The following EGR4 variants were observed in gnomAD, a reference collection of about 807,000 sequenced individuals.
EGR4 encodes early growth response protein 4.
EGR4 carries 22 observed loss-of-function variants against 25.4 expected under a neutral mutation model. That is an observed-to-expected ratio of 0.87 (90% confidence interval 0.62 to 1.24). EGR4 has a LOEUF of 1.24. EGR4 is among the 50% of genes most tolerant of loss of function. The probability of loss-of-function intolerance (pLI) is 0.00; values close to 1 mark genes in which losing one functional copy is unlikely to be tolerated. For synonymous variants in EGR4, 375 were observed against 320.1 expected (o/e 1.17, Z -1.83); for missense variants, 742 against 702.9 (o/e 1.06, Z -0.63).
At position 73,292,746 on chromosome 2, in the gene EGR4, C is replaced by G; in HGVS notation, c.172G>C (p.Gly58Arg). ...DFLSWALNSCGASGDLADSCF... is the reference protein window; with the variant it reads ...DFLSWALNSCRASGDLADSCF... ...GAGTCGGCTAAGTCCCCACTTGCGC[C>G]GCAGCTGTTCAAAGCCCAGCTCAAG... The change falls in exon 2 of 2, where the codon GGC becomes CGC. Residue 58 changes from glycine (G) to arginine (R), a missense_variant. Physicochemically the swap from Gly to Arg is moderately radical, Grantham distance 125. Transcript: ENST00000436467. 6.8e-7 allele frequency: 1 copy of G among 1,469,000 alleles called. No individual in the cohort carries two copies. The highest frequency in any genetic ancestry group is 9.0e-7 in the Non-Finnish European group (1 of 1,108,118). 91.0% of individuals were successfully genotyped at this position (1,469,000 alleles called of 1,614,324 possible).
At position 73,291,508 on chromosome 2, in the gene EGR4, C is replaced by T; in HGVS notation, c.1410G>A (p.Arg470=). ...GCGAGTAAAAGCCGAGGCCCTTGAGCCGCTCCTCGGCGCGCGCCTTCTGCT... is the reference window on the plus strand; with the variant it reads ...GCGAGTAAAAGCCGAGGCCCTTGAGTCGCTCCTCGGCGCGCGCCTTCTGCT... The part of the protein sequence containing the change: ...HLKQKARAEE[R]LKGLGFYSLG... Residue 470 remains arginine, a synonymous_variant, in exon 2 of 2, where the codon CGG becomes CGA. Coordinates refer to ENST00000436467, the MANE Select transcript of EGR4 (RefSeq NM_001965.4). The T allele has an allele frequency of 6.2e-7, 1 of 1,612,408 alleles. No individual in the cohort carries two copies.
Position 73,291,301 on chromosome 2 carries a change from G to A in EGR4, c.*156C>T, listed in dbSNP as rs1689089515. 1 of 1,028,874 alleles carries A rather than the reference G, an allele frequency of 9.7e-7. No homozygotes were observed. The highest frequency in any genetic ancestry group is 2.8e-5 in the Admixed American group (1 of 35,282). The allele number at this position is 1,028,874 out of a possible 1,614,324, so 63.7% of individuals were successfully genotyped here. A position where few individuals can be genotyped will look rare whatever the true frequency, so the allele number is the denominator to read the frequency against. ...TGTCCGCGGAGCTGGTGCTGAATAG[G>A]GCGTGTGCGGCGGGCGCTTCAAGGA... On this transcript the variant is annotated 3_prime_UTR_variant, in exon 2 of 2. Transcript: ENST00000436467.
Position 73,291,813 on chromosome 2 carries a change from G to C in EGR4, c.1105C>G (p.Arg369Gly). The change falls in exon 2 of 2, where the codon CGC (arginine) becomes GGC (glycine). Residue 369 changes from arginine to glycine, a missense_variant. Coordinates refer to ENST00000436467, the MANE Select transcript of EGR4 (RefSeq NM_001965.4). Reference sequence around the variant, plus strand: ...GCGTGCGGCCGCGGGCAGAAGCAGCGCGTGCTGCATTTGCCGCCGCGGCGC... The same window carrying C: ...GCGTGCGGCCGCGGGCAGAAGCAGCCCGTGCTGCATTTGCCGCCGCGGCGC... ...KGRRGGKCST[R>G]CFCPRPHAKA... is the part of the protein sequence containing the mutation. 12 of 1,593,078 alleles carry C rather than the reference G, an allele frequency of 7.5e-6. No homozygotes were observed. The highest frequency in any genetic ancestry group is 1.0e-5 in the Non-Finnish European group (12 of 1,174,698).
At position 73,291,122 on chromosome 2, in the gene EGR4, C is replaced by CAT; in HGVS notation, c.*334_*335insAT. 3.0e-6 allele frequency: 1 copy of CAT among 330,322 alleles called. No homozygotes were observed. Among genetic ancestry groups the CAT allele is most frequent in the Non-Finnish European group, 5.5e-6 (1 of 181,268 alleles). The allele number at this position is 330,322 out of a possible 1,614,324, so 20.5% of individuals were successfully genotyped here. ...CGAGACCGCCTTGGCGCTGCCCCAG[C>CAT]CTGTCTCTGGGGGTTATAGAGGAAG... On this transcript the variant is annotated 3_prime_UTR_variant, in exon 2 of 2. Coordinates refer to ENST00000436467, the MANE Select transcript of EGR4 (RefSeq NM_001965.4).
Position 73,292,281 on chromosome 2 carries a change from C to T in EGR4, c.637G>A (p.Val213Met). The change falls in exon 2 of 2, where the codon GTG (valine) becomes ATG (methionine). Residue 213 changes from valine to methionine, a missense_variant. Physicochemically the swap from Val to Met is conservative, Grantham distance 21 (BLOSUM62 1). Transcript: ENST00000436467. Reference protein sequence around the residue: ...GPYAPWELLSVGAPGNCGSQG... With the variant: ...GPYAPWELLSMGAPGNCGSQG... ...GACCCACAGTTCCCTGGGGCCCCCACAGAAAGCAGCTCCCAGGGCGCGTAG... is the reference window on the plus strand; with the variant it reads ...GACCCACAGTTCCCTGGGGCCCCCATAGAAAGCAGCTCCCAGGGCGCGTAG... 6.2e-7 allele frequency: 1 copy of T among 1,609,778 alleles called. No individual in the cohort carries two copies. The highest frequency in any genetic ancestry group is 1.1e-5 in the South Asian group (1 of 90,742).
rs985927800 is a variant in EGR4 at position 73,292,307 on chromosome 2, G to C, written c.611C>G (p.Pro204Arg). ...AGAAAGCAGCTCCCAGGGCGCGTAG[G>C]GACCCTTGAAGGCAGAGACAGCGTC... ...ALDAVSAFKG[P>R]YAPWELLSVG... is the part of the protein sequence containing the mutation. The change falls in exon 2 of 2, where the codon CCC (proline) becomes CGC (arginine). Residue 204 changes from proline to arginine, a missense_variant. Coordinates refer to ENST00000436467, the MANE Select transcript of EGR4 (RefSeq NM_001965.4). 22 of 1,606,066 alleles carry C rather than the reference G, an allele frequency of 1.4e-5. No homozygotes were observed. The highest frequency in any genetic ancestry group is 1.9e-5 in the Non-Finnish European group (22 of 1,175,550).
Position 73,292,307 on chromosome 2 carries a change from GGACCCTTGAAGGCAGA to G in EGR4, c.595_610del (p.Ser199ProfsTer32). 1 of 1,606,184 alleles carries G rather than the reference GGACCCTTGAAGGCAGA, an allele frequency of 6.2e-7. No individual in the cohort carries two copies. The highest frequency in any genetic ancestry group is 8.5e-7 in the Non-Finnish European group (1 of 1,175,542). ...AGAAAGCAGCTCCCAGGGCGCGTAG[GGACCCTTGAAGGCAGA>G]GACAGCGTCCAGCGCTGGCGAGGCG... On this transcript the variant is annotated frameshift_variant, in exon 2 of 2. Coordinates refer to ENST00000436467, the MANE Select transcript of EGR4 (RefSeq NM_001965.4). LOFTEE classifies it high-confidence loss of function.
Position 73,292,426 on chromosome 2 carries a change from G to A in EGR4, c.492C>T (p.Cys164=), listed in dbSNP as rs372554686. ...FPEAFWEASP[C]AGAPSQCLYE... The stretch of plus-strand genomic sequence containing the variant: ...ACAGGCACTGCGAGGGGGCACCCGC[G>A]CAAGGCGAGGCCTCCCAGAACGCCT... The change falls in exon 2 of 2, where the codon TGC becomes TGT. Residue 164 remains cysteine, a synonymous_variant. Coordinates refer to ENST00000436467, the MANE Select transcript of EGR4 (RefSeq NM_001965.4). The A allele has an allele frequency of 2.7e-6, 4 of 1,495,952 alleles. No homozygotes were observed. The highest frequency in any genetic ancestry group is 2.5e-5 in the Admixed American group (1 of 39,878). The allele number at this position is 1,495,952 out of a possible 1,614,324, so 92.7% of individuals were successfully genotyped here.
Position 73,291,897 on chromosome 2 carries a change from G to A in EGR4, c.1021C>T (p.Pro341Ser). ...DIPGSSGVAAPPVPPPPPTPF... is the reference protein window; with the variant it reads ...DIPGSSGVAASPVPPPPPTPF... ...GTGGGCGGCGGCGGCGGCACGGGTG[G>A]TGCAGCCACGCCACTGCTTCCAGGG... Residue 341 changes from proline to serine, a missense_variant, in exon 2 of 2, where the codon CCA becomes TCA. Transcript: ENST00000436467. 1 of 1,573,516 alleles carries A rather than the reference G, an allele frequency of 6.4e-7. No individual in the cohort carries two copies. Among genetic ancestry groups the A allele is most frequent in the Non-Finnish European group, 8.6e-7 (1 of 1,161,932 alleles).
intron 1 of EGR4, 82 bp from the exon 2 acceptor site, chr2:73,292,863 G>A (rs1427140588): frequency 1.5e-6 from 2 of 1,318,172 alleles, no homozygotes; most frequent in South Asian, 2.7e-5. Context: ...AACTCTTGGT[G>A]CCCACGGATA....
At position 73,291,450 on chromosome 2, in the gene EGR4, C is replaced by T; in HGVS notation, c.*7G>A. The T allele has an allele frequency of 1.3e-6, 2 of 1,590,306 alleles. No homozygotes were observed. The highest frequency in any genetic ancestry group is 1.7e-6 in the Non-Finnish European group (2 of 1,167,884). The stretch of plus-strand genomic sequence containing the variant: ...GCGGCGCCCCAACCCATAAACCCAT[C>T]TCTTGCTCAGAGAGAAGCGAAGGAG... On this transcript the variant is annotated 3_prime_UTR_variant, in exon 2 of 2. Transcript: ENST00000436467.
In EGR4 at chr2:73,292,098, C is replaced by T. The variant is rs917870142; in HGVS notation, c.820G>A (p.Gly274Ser). Residue 274 changes from glycine to serine, a missense_variant, in exon 2 of 2, where the codon GGT becomes AGT. By Grantham distance (56) the Gly-to-Ser change is moderately conservative (BLOSUM62 0). Transcript: ENST00000436467. ...GAYDAFPLAP[G>S]DLGEGAEGLP... is the part of the protein sequence containing the mutation. ...CCCTCAGCCCCCTCCCCTAAGTCACCCGGGGCCAGCGGGAAAGCGTCATAG... is the reference window on the plus strand; with the variant it reads ...CCCTCAGCCCCCTCCCCTAAGTCACTCGGGGCCAGCGGGAAAGCGTCATAG... 2 of 1,607,800 alleles carry T rather than the reference C, an allele frequency of 1.2e-6. No individual in the cohort carries two copies. Among genetic ancestry groups the T allele is most frequent in the Non-Finnish European group, 1.7e-6 (2 of 1,177,410 alleles).
rs143307726 is a variant in EGR4 at position 73,291,480 on chromosome 2, C to G, written c.1438G>C (p.Gly480Arg). ...RLKGLGFYSLGLSFASL is the reference protein window; with the variant it reads ...RLKGLGFYSLRLSFASL Reference sequence around the variant, plus strand: ...GCTCAGAGAGAAGCGAAGGAGAGGCCCAGCGAGTAAAAGCCGAGGCCCTTG... The same window carrying G: ...GCTCAGAGAGAAGCGAAGGAGAGGCGCAGCGAGTAAAAGCCGAGGCCCTTG... Residue 480 changes from glycine to arginine, a missense_variant, in exon 2 of 2, where the codon GGC (glycine) becomes CGC (arginine). By Grantham distance (125) the Gly-to-Arg change is moderately radical (BLOSUM62 -2). Transcript: ENST00000436467. The G allele has an allele frequency of 6.2e-7, 1 of 1,608,086 alleles. No homozygotes were observed. The highest frequency in any genetic ancestry group is 2.2e-5 in the East Asian group (1 of 44,710).
rs1216882281 is a variant in EGR4, at chr2:73,293,223, A to T, written c.95T>A (p.Leu32Gln). ...CAEPSAELPR[L>Q]PARDAPAATG... ...GGCCGCGGGAGCGTCCCTGGCAGGC[A>T]GCCGGGGCAATTCAGCGCTGGGTTC... The change falls in exon 1 of 2, where the codon CTG (leucine) becomes CAG (glutamine). Residue 32 changes from leucine (L) to glutamine (Q), a missense_variant. Physicochemically the swap from Leu to Gln is moderately radical, Grantham distance 113 (BLOSUM62 -2). Transcript: ENST00000436467. 6.4e-7 allele frequency: 1 copy of T among 1,567,068 alleles called. No individual in the cohort carries two copies. Among genetic ancestry groups the T allele is most frequent in the Admixed American group, 1.9e-5 (1 of 52,642 alleles).
In EGR4 at chr2:73,293,182, CT is replaced by C; in HGVS notation, c.135del (p.Ala46GlnfsTer5). On this transcript the variant is annotated frameshift_variant and splice_region_variant, in exon 1 of 2. Transcript: ENST00000436467. LOFTEE classifies it high-confidence loss of function. ...RDAPAATGYP[G>X]AGDFLSWALN... ...GAGCACCCCTGCTCGCCCTCCTTACCTCCAGGGTAGCCGGTGGCCGCGGGAG... is the reference window on the plus strand; with the variant it reads ...GAGCACCCCTGCTCGCCCTCCTTACCCCAGGGTAGCCGGTGGCCGCGGGAG... The C allele has an allele frequency of 6.6e-7, 1 of 1,525,116 alleles. No homozygotes were observed. Among genetic ancestry groups the C allele is most frequent in the Non-Finnish European group, 8.8e-7 (1 of 1,134,584 alleles). 94.5% of individuals were successfully genotyped at this position (1,525,116 alleles called of 1,614,324 possible).
intron 1 of EGR4, 97 bp from the exon 2 acceptor site, chr2:73,292,878 CAA>C (rs1169835526): frequency 4.7e-5 from 61 of 1,290,230 alleles, no homozygotes; most frequent in Non-Finnish European, 5.9e-5. Flanking sequence ...CGGATATACA[CAA>C]AGTGCCTTTT....
Position 73,291,274 on chromosome 2 carries a change from A to C in EGR4, c.*183T>G. The C allele has an allele frequency of 2.5e-5, 20 of 808,714 alleles. No individual in the cohort carries two copies. The highest frequency in any genetic ancestry group is 3.5e-5 in the African/African-American group (2 of 57,320). The allele number at this position is 808,714 out of a possible 1,614,324, so 50.1% of individuals were successfully genotyped here. On this transcript the variant is annotated 3_prime_UTR_variant, in exon 2 of 2. Coordinates refer to ENST00000436467, the MANE Select transcript of EGR4 (RefSeq NM_001965.4). ...GGGTGACAGCGCCTGGACCGCGGGAACTGTCCGCGGAGCTGGTGCTGAATA... is the reference window on the plus strand; with the variant it reads ...GGGTGACAGCGCCTGGACCGCGGGACCTGTCCGCGGAGCTGGTGCTGAATA...
intron 1 of EGR4, 104 bp downstream of exon 1, chr2:73,293,078 C>G: frequency 8.4e-7 from 1 of 1,196,270 alleles, no homozygotes; most frequent in Middle Eastern, 3.0e-4. Flanking sequence ...TCCCATCGCC[C>G]CTATTCTCAT....
Position 73,292,109 on chromosome 2 carries a change from G to A in EGR4, c.809C>T (p.Pro270Leu), listed in dbSNP as rs1361018470. Reference sequence around the variant, plus strand: ...CTCCCCTAAGTCACCCGGGGCCAGCGGGAAAGCGTCATAGGCCCCGCTGGG... The same window carrying A: ...CTCCCCTAAGTCACCCGGGGCCAGCAGGAAAGCGTCATAGGCCCCGCTGGG... ...LYPSGAYDAF[P>L]LAPGDLGEGA... Residue 270 changes from proline to leucine, a missense_variant, in exon 2 of 2, where the codon CCG (proline) becomes CTG (leucine). Pro to Leu is a moderately conservative substitution (Grantham distance 98). Transcript: ENST00000436467. 1 of 1,605,280 alleles carries A rather than the reference G, an allele frequency of 6.2e-7. No individual in the cohort carries two copies. Among genetic ancestry groups the A allele is most frequent in the Non-Finnish European group, 8.5e-7 (1 of 1,176,214 alleles).
Sources: allele counts gnomAD v4.1 joint callset, GRCh38; gene constraint gnomAD v4.1.1; transcripts MANE v1.5; gene names NCBI Gene and HGNC (gene_info 2026-07-23, HGNC 2026-07-21).